Variants in CCNI2 observed in about 807,000 individuals in gnomAD.
The protein encoded by CCNI2 is cyclin-I2.
In CCNI2, 32 loss-of-function variants were observed where a neutral mutation model predicts 33.2. That is an observed-to-expected ratio of 0.96 (90% CI 0.73 to 1.30). The LOEUF is 1.30. Ranked by LOEUF, CCNI2 falls within the 50% of genes most tolerant of loss-of-function variation. CCNI2 has a pLI of 0.00. For missense variants in CCNI2, 452 were observed against 486.2 expected (o/e 0.93, Z 0.66); for synonymous variants, 231 against 219.9 (o/e 1.05, Z -0.45).
At position 132,747,824 on chromosome 5, in the gene CCNI2, C is replaced by T. The variant is rs933932444; in HGVS notation, c.329C>T (p.Pro110Leu). ...APRPAPQSRK[P>L]RNLEGDLDER... ...CGGCCGGCTCCACAGTCCCGCAAGCCGCGCAACCTGGAAGGCGACCTGGAC... is the reference window on the plus strand; with the variant it reads ...CGGCCGGCTCCACAGTCCCGCAAGCTGCGCAACCTGGAAGGCGACCTGGAC... Residue 110 changes from proline (P) to leucine (L), a missense_variant, in exon 1 of 6, where the codon CCG becomes CTG. Physicochemically the swap from Pro to Leu is moderately conservative, Grantham distance 98. Transcript: ENST00000378731. This position sits in a 1 kb window ranked among gnomAD's most constrained non-coding sequence, Gnocchi z 4.1. 2.0e-5 allele frequency: 30 copies of T among 1,481,124 alleles called. No individual in the cohort carries two copies. Among genetic ancestry groups the T allele is most frequent in the Non-Finnish European group, 2.6e-5 (29 of 1,123,674 alleles). 91.7% of individuals were successfully genotyped at this position (1,481,124 alleles called of 1,614,324 possible).
In CCNI2 at chr5:132,747,702, G is replaced by A. The variant is rs540275476; in HGVS notation, c.207G>A (p.Ala69=). ...AGCCCGGAGCGGCCTCCCTCCACGC[G>A]GCGTCCGCAGCAGTCCCCGTGCGGC... ...TRQPGAASLH[A]ASAAVPVRPR... The change falls in exon 1 of 6, where the codon GCG becomes GCA. Residue 69 remains alanine, a synonymous_variant. Coordinates refer to ENST00000378731, the MANE Select transcript of CCNI2 (RefSeq NM_001039780.4). The surrounding 1 kb of genome is among the most constrained non-coding windows in gnomAD (Gnocchi z 4.1). The A allele has an allele frequency of 7.5e-4, 1,118 of 1,496,576 alleles. 4 individuals carry two copies. Among genetic ancestry groups the A allele is most frequent in the African/African-American group, 5.4e-3 (373 of 68,990 alleles). The allele number at this position is 1,496,576 out of a possible 1,614,324, so 92.7% of individuals were successfully genotyped here.
downstream of CCNI2, among the ~76,000 whole-genome samples, chr5:132,755,488 C>G (rs1478187502): frequency 6.6e-6 from 1 of 152,182 alleles, no homozygotes; most frequent in Non-Finnish European, 1.5e-5. Context: ...GCGTTCAAAT[C>G]TCAACTTCTC....
At chr5:132,755,645 C>G (rs1241523330), downstream of CCNI2, among the ~76,000 whole-genome samples, 1 of 152,136 alleles carries the variant, frequency 6.6e-6, no homozygotes, top group African/African-American at 2.4e-5. Flanking sequence ...TCCTGGCACT[C>G]GAATATTAGT....
At chr5:132,749,564 T>C (rs943367208) in intron 3 of CCNI2, 142 bp downstream of exon 3, 2 of 680,038 alleles carry the variant, frequency 2.9e-6, no homozygotes, top group Non-Finnish European at 2.6e-6. Context: ...GCATCTCTGC[T>C]ATCCCTTCCA....
At chr5:132,751,860 A>C in intron 4 of CCNI2, 106 bp from the exon 5 acceptor site, 3 of 1,336,870 alleles carry the variant, frequency 2.2e-6, no homozygotes, top group South Asian at 2.7e-5. Context: ...GGGTTGGGCA[A>C]CATTTGATGT....
Position 132,748,444 on chromosome 5 carries a change from C to A in CCNI2, c.527C>A (p.Thr176Asn). ...FSQSTFNLAL[T>N]IFGRLLISVK... ...CAGTCCACTTTTAACCTGGCCCTCA[C>A]CATCTTTGGCCGCCTCCTGATTTCA... Residue 176 changes from threonine to asparagine, a missense_variant, in exon 2 of 6, where the codon ACC becomes AAC. Coordinates refer to ENST00000378731, the MANE Select transcript of CCNI2 (RefSeq NM_001039780.4). 1 of 1,614,178 alleles carries A rather than the reference C, an allele frequency of 6.2e-7. No homozygotes were observed. Among genetic ancestry groups the A allele is most frequent in the Middle Eastern group, 1.7e-4 (1 of 6,060 alleles).
chr5:132,748,508 G>A, intron 2 of CCNI2, 33 bp downstream of exon 2: 1 of 1,612,022 alleles, frequency 6.2e-7, no homozygotes, highest in Non-Finnish European at 8.5e-7. Flanking sequence ...GTGGCAGATG[G>A]TGAGAGAAGA....
chr5:132,752,454 C>G (rs1221959988), intron 5 of CCNI2, among the ~76,000 whole-genome samples: 2 of 152,106 alleles, frequency 1.3e-5, no homozygotes. Context: ...AATGGGAGCC[C>G]TTGTAGCCAA....
rs1196597398 is a variant in CCNI2, at chr5:132,752,024, A to G, written c.833A>G (p.Asn278Ser). 8 of 1,612,220 alleles carry G rather than the reference A, an allele frequency of 5.0e-6. No individual in the cohort carries two copies. The highest frequency in any genetic ancestry group is 6.8e-6 in the Non-Finnish European group (8 of 1,179,396). Residue 278 changes from asparagine (N) to serine (S), a missense_variant, in exon 5 of 6, where the codon AAT (asparagine) becomes AGT (serine). Coordinates refer to ENST00000378731, the MANE Select transcript of CCNI2 (RefSeq NM_001039780.4). The stretch of plus-strand genomic sequence containing the variant: ...GTGTTGGAGCTGCTGCCTCAGAGGA[A>G]TCCTTCCCTCCACGTCGCATCCCTG... ...PHVLELLPQR[N>S]PSLHVASLTR...
At position 132,754,133 on chromosome 5, in the gene CCNI2, C is replaced by CT. The variant is rs141037709; in HGVS notation, c.*1166dup. ...CTTGACACACTTTTGCTTGTTGGTG[C>CT]TTTCGTTAAAATTACACTTTAATTG... On this transcript the variant is annotated 3_prime_UTR_variant, in exon 6 of 6. Transcript: ENST00000378731. 8.5e-3 allele frequency: 3,223 copies of CT among 379,774 alleles called. 29 individuals are homozygous for CT. The highest frequency in any genetic ancestry group is 0.012 in the Non-Finnish European group (2,424 of 207,446). 23.5% of individuals were successfully genotyped at this position (379,774 alleles called of 1,614,324 possible). A position where few individuals can be genotyped will look rare whatever the true frequency, so the allele number is the denominator to read the frequency against.
At chr5:132,751,636 C>T in intron 4 of CCNI2, 1 of 386,766 alleles carries the variant, frequency 2.6e-6, no homozygotes, top group Non-Finnish European at 4.6e-6. Context: ...TTATGATAAG[C>T]AGATACAAGT....
intron 4 of CCNI2, 186 bp from the exon 5 acceptor site, chr5:132,751,780 A>G: frequency 1.5e-6 from 1 of 667,818 alleles, no homozygotes; most frequent in Non-Finnish European, 2.5e-6. Flanking sequence ...CCCGGAGTGG[A>G]AGCTCAGCTT....
At chr5:132,751,902 T>G in intron 4 of CCNI2, 64 bp from the exon 5 acceptor site, 2 of 1,520,482 alleles carry the variant, frequency 1.3e-6, no homozygotes, top group Non-Finnish European at 1.8e-6. Context: ...GTTTGCACTT[T>G]TGATCATTGA....
rs749584594 is a variant in CCNI2, at chr5:132,747,515, T to A, written c.20T>A (p.Leu7His). 1 of 1,485,170 alleles carries A rather than the reference T, an allele frequency of 6.7e-7. No individual in the cohort carries two copies. Among genetic ancestry groups the A allele is most frequent in the Non-Finnish European group, 8.9e-7 (1 of 1,125,232 alleles). The allele number at this position is 1,485,170 out of a possible 1,614,324, so 92.0% of individuals were successfully genotyped here. Reference protein sequence around the residue: MASGAQLPPQPSSSEVS... With the variant: MASGAQHPPQPSSSEVS... ...CACGACATGGCCTCGGGCGCTCAGCTCCCGCCGCAGCCGTCGAGCTCAGAG... is the reference window on the plus strand; with the variant it reads ...CACGACATGGCCTCGGGCGCTCAGCACCCGCCGCAGCCGTCGAGCTCAGAG... The change falls in exon 1 of 6, where the codon CTC (leucine) becomes CAC (histidine). Residue 7 changes from leucine to histidine, a missense_variant. Transcript: ENST00000378731. The surrounding 1 kb of genome is among the most constrained non-coding windows in gnomAD (Gnocchi z 4.1).
intron 4 of CCNI2, 34 bp downstream of exon 4, chr5:132,751,031 A>C: frequency 6.2e-7 from 1 of 1,606,198 alleles, no homozygotes; most frequent in Non-Finnish European, 8.5e-7. Context: ...GTCTACCCTA[A>C]ACTCGTTTGT....
rs748295286 is a variant in CCNI2, at chr5:132,747,524, A to G, written c.29A>G (p.Gln10Arg). Residue 10 changes from glutamine (Q) to arginine (R), a missense_variant, in exon 1 of 6, where the codon CAG becomes CGG. Gln to Arg is a conservative substitution (Grantham distance 43). Coordinates refer to ENST00000378731, the MANE Select transcript of CCNI2 (RefSeq NM_001039780.4). The surrounding 1 kb of genome is among the most constrained non-coding windows in gnomAD (Gnocchi z 4.1). MASGAQLPP[Q>R]PSSSEVSAVQ... is the part of the protein sequence containing the mutation. ...GCCTCGGGCGCTCAGCTCCCGCCGCAGCCGTCGAGCTCAGAGGTCAGCGCC... is the reference window on the plus strand; with the variant it reads ...GCCTCGGGCGCTCAGCTCCCGCCGCGGCCGTCGAGCTCAGAGGTCAGCGCC... 6.7e-7 allele frequency: 1 copy of G among 1,500,324 alleles called. No homozygotes were observed. The highest frequency in any genetic ancestry group is 1.3e-5 in the South Asian group (1 of 79,850). The allele number at this position is 1,500,324 out of a possible 1,614,324, so 92.9% of individuals were successfully genotyped here. A position where few individuals can be genotyped will look rare whatever the true frequency, so the allele number is the denominator to read the frequency against.
chr5:132,748,304 C>T, intron 1 of CCNI2, 43 bp from the exon 2 acceptor site: 1 of 1,607,704 alleles, frequency 6.2e-7, no homozygotes, highest in South Asian at 1.1e-5. Flanking sequence ...CAGGAGTGGC[C>T]GCTAGCGACC....
chr5:132,751,102 C>G (rs773033947), intron 4 of CCNI2, 105 bp downstream of exon 4: 25 of 1,287,838 alleles, frequency 1.9e-5, no homozygotes, highest in Non-Finnish European at 2.6e-5. Context: ...CACGCCCTTG[C>G]ACATGCACCA....
chr5:132,751,697 G>A (rs1754854556), intron 4 of CCNI2: 1 of 540,800 alleles, frequency 1.8e-6, no homozygotes, highest in Admixed American at 3.6e-5. Flanking sequence ...TTTTCAGAAT[G>A]GAAACATTGT....
Sources: gnomAD v4.1 joint callset for allele counts (sites outside exome capture counted in the v4.1 genomes callset) on GRCh38, gnomAD v4.1.1 for gene constraint, Gnocchi (gnomAD v3.1) non-coding constraint, MANE v1.5 for transcripts, NCBI Gene and HGNC (gene_info 2026-07-23, HGNC 2026-07-21) for gene names.